ERC1: variants seen among roughly 807,000 people sequenced by gnomAD.
ERC1 encodes the protein ELKS/RAB6-interacting/CAST family member 1, also known as RAB6 interacting protein 2.
Under a neutral mutation model 132.0 loss-of-function variants are expected in ERC1, and 56 were observed. The observed-to-expected ratio is 0.42, with a 90% CI of 0.34 to 0.53. The LOEUF is 0.53. Among genes scored for constraint, ERC1 ranks in the 20% least tolerant of loss-of-function variants. The pLI is 0.03. For missense variants in ERC1, 1,202 were observed against 1,349.9 expected (o/e 0.89, Z 1.72); for synonymous variants, 478 against 476.1 (o/e 1.00, Z -0.05).
chr12:1,324,532 C>T (rs1232859341), intron 15 of ERC1, among the ~76,000 whole-genome samples: 3 of 152,128 alleles, frequency 2.0e-5, no homozygotes, highest in South Asian at 2.1e-4. Flanking sequence ...GTCTCAGAGA[C>T]GGTCACTGGG....
chr12:1,032,599 T>C (rs1759290715), intron 2 of ERC1, among the ~76,000 whole-genome samples: 2 of 152,304 alleles, frequency 1.3e-5, no homozygotes, highest in East Asian at 1.9e-4. Flanking sequence ...ATTTTAGATA[T>C]GTTTAGTTAC....
intron 15 of ERC1, among the ~76,000 whole-genome samples, chr12:1,300,606 A>G (rs2080312234): frequency 6.6e-6 from 1 of 151,570 alleles, no homozygotes; most frequent in Admixed American, 6.6e-5. Flanking sequence ...ACAAATTTAC[A>G]AGAAAAAAAC....
At chr12:1,274,489 T>TTTAC (rs1180302116) in intron 14 of ERC1, among the ~76,000 whole-genome samples, 4 of 150,676 alleles carry the variant, frequency 2.7e-5, no homozygotes. Flanking sequence ...ATTTTATTTA[T>TTTAC]TTATTTATTT....
intron 18 of ERC1, among the ~76,000 whole-genome samples, chr12:1,480,666 A>G (rs2094070697): frequency 1.3e-5 from 2 of 151,800 alleles, no homozygotes; most frequent in Non-Finnish European, 2.9e-5. Context: ...TCTTTCGGAA[A>G]TTCTTTTCTG....
chr12:1,177,544 G>A (rs1026948369), intron 8 of ERC1, among the ~76,000 whole-genome samples: 1 of 152,138 alleles, frequency 6.6e-6, no homozygotes, highest in African/African-American at 2.4e-5. Flanking sequence ...GAGAGAAGAG[G>A]GAATGATTGA....
At chr12:1,076,339 T>A (rs981060945) in intron 2 of ERC1, among the ~76,000 whole-genome samples, 1 of 152,086 alleles carries the variant, frequency 6.6e-6, no homozygotes, top group African/African-American at 2.4e-5. Flanking sequence ...TTTTGGCCAG[T>A]TGGGATTTAA....
chr12:1,349,892 T>G (rs1358071255), intron 15 of ERC1, among the ~76,000 whole-genome samples: 2 of 152,188 alleles, frequency 1.3e-5, no homozygotes, highest in Admixed American at 6.5e-5. Context: ...TTAAAGTACA[T>G]GTAATTTACA....
intron 1 of ERC1, 84 bp from the exon 2 acceptor site, chr12:1,027,661 ATCT>A (rs1171335238): frequency 1.4e-5 from 7 of 513,904 alleles, no homozygotes; most frequent in South Asian, 3.0e-5. Context: ...GAAGGGCTAG[ATCT>A]TCTTTAAGTG....
intron 12 of ERC1, among the ~76,000 whole-genome samples, chr12:1,236,073 A>G (rs917081178): frequency 6.6e-6 from 1 of 152,208 alleles, no homozygotes; most frequent in Non-Finnish European, 1.5e-5. Context: ...AGAAAAATGA[A>G]TAATTATTTA....
chr12:1,404,640 C>T (rs538538496), intron 16 of ERC1, among the ~76,000 whole-genome samples: 9 of 152,272 alleles, frequency 5.9e-5, no homozygotes, highest in East Asian at 1.9e-4. Context: ...CCTTGTTCCT[C>T]GTTATTTTCT....
At chr12:1,357,712 G>A (rs1475853549) in intron 15 of ERC1, among the ~76,000 whole-genome samples, 1 of 152,140 alleles carries the variant, frequency 6.6e-6, no homozygotes, top group Non-Finnish European at 1.5e-5. Context: ...AAGCGTAAAG[G>A]ACATACTGTT....
chr12:1,366,892 G>A (rs1293480969), intron 15 of ERC1, among the ~76,000 whole-genome samples: 6 of 152,138 alleles, frequency 3.9e-5, no homozygotes, highest in South Asian at 4.2e-4. Context: ...GATATTTCTG[G>A]GTACCTAAAT....
intron 18 of ERC1, among the ~76,000 whole-genome samples, chr12:1,478,798 AAGAGAG>A (rs916577984): frequency 3.3e-5 from 5 of 151,024 alleles, no homozygotes; most frequent in Non-Finnish European, 5.9e-5. Context: ...CAATAAAAAA[AAGAGAG>A]AGAGAGAGAG....
intron 3 of ERC1, among the ~76,000 whole-genome samples, chr12:1,095,712 T>G (rs947516493): frequency 6.6e-6 from 1 of 152,124 alleles, no homozygotes; most frequent in Non-Finnish European, 1.5e-5. Context: ...CTTCTCTCTC[T>G]ATTGACAATG....
At chr12:1,310,881 G>C (rs2081257682) in intron 15 of ERC1, among the ~76,000 whole-genome samples, 1 of 152,258 alleles carries the variant, frequency 6.6e-6, no homozygotes, top group Non-Finnish European at 1.5e-5. Context: ...CATAACTGCA[G>C]GCTTCTTACT....
chr12:1,345,963 T>C (rs73595975), intron 15 of ERC1, among the ~76,000 whole-genome samples: 4,721 of 152,308 alleles, frequency 0.031, 232 homozygotes, highest in African/African-American at 0.11. Context: ...TGTGTTCTTC[T>C]AATGCAGAGT....
chr12:1,445,366 A>G (rs952391753), intron 18 of ERC1, among the ~76,000 whole-genome samples: 1 of 151,470 alleles, frequency 6.6e-6, no homozygotes, highest in Non-Finnish European at 1.5e-5. Flanking sequence ...GGTAGCTGGG[A>G]CTACAGGCGC....
At chr12:1,076,456 A>C (rs1430550817) in intron 2 of ERC1, among the ~76,000 whole-genome samples, 1 of 146,852 alleles carries the variant, frequency 6.8e-6, no homozygotes, top group Non-Finnish European at 1.5e-5. Context: ...GTGCAGTGGC[A>C]GGATCTCAGC....
At chr12:1,265,419 A>G (rs569666321) in intron 14 of ERC1, among the ~76,000 whole-genome samples, 1 of 152,282 alleles carries the variant, frequency 6.6e-6, no homozygotes, top group East Asian at 1.9e-4. Context: ...ATTTATGGTT[A>G]ATAGACTTCG....
Sources: allele counts gnomAD v4.1 joint callset (sites outside exome capture counted in the v4.1 genomes callset), GRCh38; gene constraint gnomAD v4.1.1; transcripts MANE v1.5; gene names NCBI Gene and HGNC (gene_info 2026-07-23, HGNC 2026-07-21).